TAF1A: variants seen among roughly 807,000 people sequenced by gnomAD.
TAF1A encodes the protein TATA-box binding protein associated factor, RNA polymerase I subunit A, also known as TATA box-binding protein-associated factor RNA polymerase I subunit A.
TAF1A carries 42 observed loss-of-function variants against 61.6 expected under a neutral mutation model. That is an observed-to-expected ratio of 0.68 (90% CI 0.53 to 0.88). The LOEUF (loss-of-function observed/expected upper bound fraction) is 0.88. TAF1A is among the 40% of genes least tolerant of loss of function. The probability of loss-of-function intolerance (pLI) is 0.00; values close to 1 mark genes in which losing one functional copy is unlikely to be tolerated. For missense variants in TAF1A, 424 were observed against 518.7 expected, an observed-to-expected ratio of 0.82 and a Z score of 1.77; for synonymous variants, 179 against 177.7, an observed-to-expected ratio of 1.01 and a Z score of -0.06.
chr1:222,559,383 T>C (rs1359279873), intron 10 of TAF1A, among the ~76,000 whole-genome samples: 2 of 152,204 alleles, frequency 1.3e-5, no homozygotes, highest in African/African-American at 4.8e-5. Context: ...TCATGCTCAT[T>C]AGAAGTTCCA....
At chr1:222,588,082 A>T (rs1416320129) in intron 2 of TAF1A, among the ~76,000 whole-genome samples, 1 of 152,056 alleles carries the variant, frequency 6.6e-6, no homozygotes, top group South Asian at 2.1e-4. Context: ...GATCAATTCT[A>T]TTCGAAATAA....
chr1:222,576,820 C>A (rs1441817159), intron 5 of TAF1A, among the ~76,000 whole-genome samples: 1 of 152,220 alleles, frequency 6.6e-6, no homozygotes, highest in Non-Finnish European at 1.5e-5. Context: ...TGAAGAAAAT[C>A]TGTAGCCTTT....
At position 222,565,887 on chromosome 1, in the gene TAF1A, A is replaced by T. The variant is rs139752478; in HGVS notation, c.895-1762T>A. On this transcript the variant is annotated intron_variant, in intron 7 of 10. Transcript: ENST00000352967. ...TTTCAAACAACAACAACAGCAAAGG[A>T]TTGTTTAGTAAAACAAAGCCTGTTG... is the stretch of plus-strand genomic sequence containing the variant. Among the ~76,000 whole-genome samples the T allele has an allele frequency of 3.3e-3, 497 of 152,314 alleles. 6 individuals carry two copies. Among genetic ancestry groups the T allele is most frequent in the South Asian group, 0.018 (88 of 4,832 alleles).
At chr1:222,575,361 A>C (rs1022172979) in intron 5 of TAF1A, among the ~76,000 whole-genome samples, 1 of 151,804 alleles carries the variant, frequency 6.6e-6, no homozygotes, top group Non-Finnish European at 1.5e-5. Flanking sequence ...TCTTCACAAA[A>C]AAAAAAATTG....
At chr1:222,566,392 T>C (rs1660118838) in intron 7 of TAF1A, among the ~76,000 whole-genome samples, 1 of 152,212 alleles carries the variant, frequency 6.6e-6, no homozygotes, top group Non-Finnish European at 1.5e-5. Context: ...GTTTCGGGAT[T>C]GCATTATTTA....
intron 2 of TAF1A, among the ~76,000 whole-genome samples, chr1:222,588,026 C>T (rs1304561605): frequency 6.7e-6 from 1 of 148,610 alleles, no homozygotes; most frequent in African/African-American, 2.5e-5. Context: ...CCAGCGTGGG[C>T]AACAGAGCAA....
chr1:222,575,159 C>T (rs183264230), intron 5 of TAF1A, among the ~76,000 whole-genome samples: 106 of 151,922 alleles, frequency 7.0e-4, no homozygotes, highest in Non-Finnish European at 1.2e-3. Flanking sequence ...CAGTTAAATA[C>T]ATATCAATAT....
At chr1:222,556,922 A>G (rs912550667), downstream of TAF1A, among the ~76,000 whole-genome samples, 1 of 152,164 alleles carries the variant, frequency 6.6e-6, no homozygotes, top group Non-Finnish European at 1.5e-5. Flanking sequence ...CTCCTACACA[A>G]CCGAATTATG....
chr1:222,580,444 T>C (rs1271897548), intron 3 of TAF1A, among the ~76,000 whole-genome samples: 3 of 152,232 alleles, frequency 2.0e-5, no homozygotes, highest in Non-Finnish European at 4.4e-5. Flanking sequence ...TGGAGCTCTT[T>C]TTTCATGAGA....
intron 7 of TAF1A, among the ~76,000 whole-genome samples, chr1:222,565,145 A>G (rs1660066150): frequency 6.6e-6 from 1 of 152,242 alleles, no homozygotes; most frequent in African/African-American, 2.4e-5. Flanking sequence ...AGTCTTAGTC[A>G]TGAGCCCTTC....
chr1:222,559,553 A>T (rs1659828444), intron 10 of TAF1A, among the ~76,000 whole-genome samples: 1 of 152,236 alleles, frequency 6.6e-6, no homozygotes. Context: ...ATGAAAAATT[A>T]ATTTCATTAC....
At position 222,565,468 on chromosome 1, in the gene TAF1A, T is replaced by C. The variant is rs542588648; in HGVS notation, c.895-1343A>G. On this transcript the variant is annotated intron_variant, in intron 7 of 10. Transcript: ENST00000352967. ...ATCCATCTTGTCTTGAATATAAATATGAGATAAGTATTCAACAGTTATTTT... is the reference window on the plus strand; with the variant it reads ...ATCCATCTTGTCTTGAATATAAATACGAGATAAGTATTCAACAGTTATTTT... Among the ~76,000 whole-genome samples the C allele has an allele frequency of 1.6e-4, 25 of 152,304 alleles. No homozygotes were observed. The South Asian group carries it at 5.2e-3, about 32-fold the overall frequency.
At chr1:222,580,470 G>A (rs1246304669) in intron 3 of TAF1A, among the ~76,000 whole-genome samples, 3 of 152,012 alleles carry the variant, frequency 2.0e-5, no homozygotes, top group Admixed American at 6.6e-5. Flanking sequence ...TCTCTATTTC[G>A]CTAACCTCAA....
chr1:222,558,549 AGTT>A lies in TAF1A; in HGVS notation c.*108_*110del. 2.5e-6 allele frequency: 1 copy of A among 399,836 alleles called. No homozygotes were observed. The highest frequency in any genetic ancestry group is 4.4e-6 in the Non-Finnish European group (1 of 226,206). The allele number at this position is 399,836 out of a possible 1,614,324, so 24.8% of individuals were successfully genotyped here. A position where few individuals can be genotyped will look rare whatever the true frequency, so the allele number is the denominator to read the frequency against. ...AAAAATATAAAAATATATAAAAATA[AGTT>A]TTTTGTAGTAATATAAGCTTCTTAA... On this transcript the variant is annotated 3_prime_UTR_variant, in exon 11 of 11. Transcript: ENST00000352967.
chr1:222,569,741 A>T, intron 6 of TAF1A, 73 bp from the exon 7 acceptor site: 3 of 1,355,928 alleles, frequency 2.2e-6, no homozygotes, highest in Non-Finnish European at 3.0e-6. Flanking sequence ...ACACAGCATA[A>T]GTTTACTGAT....
intron 3 of TAF1A, among the ~76,000 whole-genome samples, chr1:222,581,474 T>C (rs537686601): frequency 6.6e-6 from 1 of 152,326 alleles, no homozygotes; most frequent in South Asian, 2.1e-4. Context: ...TGTCTTTTAC[T>C]GAAGAAATTT....
chr1:222,572,704 A>G (rs1558147547), intron 5 of TAF1A, among the ~76,000 whole-genome samples: 1 of 152,150 alleles, frequency 6.6e-6, no homozygotes, highest in East Asian at 1.9e-4. Context: ...CAGTGGGAAA[A>G]TAATAGACTT....
chr1:222,588,389 G>GA (rs1394491205), intron 2 of TAF1A, 54 bp downstream of exon 2: 1 of 1,586,868 alleles, frequency 6.3e-7, no homozygotes, highest in Non-Finnish European at 8.6e-7. Flanking sequence ...TATCCCTATT[G>GA]AATCTTACCA....
At chr1:222,570,504 A>G in intron 6 of TAF1A, 31 bp downstream of exon 6, 1 of 1,581,396 alleles carries the variant, frequency 6.3e-7, no homozygotes, top group Non-Finnish European at 8.6e-7. Context: ...GACAAAATAA[A>G]ACCAATAAAT....
Sources: gnomAD v4.1 joint callset for allele counts (sites outside exome capture counted in the v4.1 genomes callset) on GRCh38, gnomAD v4.1.1 for gene constraint, MANE v1.5 for transcripts, NCBI Gene and HGNC (gene_info 2026-07-23, HGNC 2026-07-21) for gene names.